DCC: variants seen among roughly 807,000 people sequenced by gnomAD.
DCC encodes DCC netrin 1 receptor.
DCC carries 58 observed loss-of-function variants against 172.5 expected under a neutral mutation model. The ratio of observed to expected loss-of-function variants is 0.34; its 90% CI spans 0.27 to 0.42. The LOEUF is 0.42. Among genes scored for constraint, DCC ranks in the 10% least tolerant of loss-of-function variants. DCC has a pLI of 1.00. For missense variants in DCC, 1,740 were observed against 1,791.0 expected (o/e 0.97, Z 0.51); for synonymous variants, 709 against 644.5 (o/e 1.10, Z -1.52).
In DCC at chr18:53,193,093, C is replaced by G. The variant is rs555118858; in HGVS notation, c.1574-12123C>G. Among the ~76,000 whole-genome samples, 5 of 152,312 alleles carry G rather than the reference C, an allele frequency of 3.3e-5. No individual in the cohort carries two copies. In the East Asian group the frequency reaches 7.7e-4, roughly 24 times the overall value. On this transcript the variant is annotated intron_variant, in intron 9 of 28. Coordinates refer to ENST00000442544, the MANE Select transcript of DCC (RefSeq NM_005215.4). ...TCTCTCTTCTGGACTATGGAATATT[C>G]TACCAATTGATATCTCAACACTCAT...
At chr18:52,831,984 C>G (rs556125519) in intron 2 of DCC, among the ~76,000 whole-genome samples, 1 of 152,242 alleles carries the variant, frequency 6.6e-6, no homozygotes, top group Admixed American at 6.5e-5. Context: ...TTAAAAATCC[C>G]TTAAACACCT....
chr18:52,843,977 G>T (rs11878055), intron 2 of DCC, among the ~76,000 whole-genome samples: 4,075 of 152,168 alleles, frequency 0.027, 165 homozygotes, highest in African/African-American at 0.09. Context: ...GTATGATGCT[G>T]ATAAACATCG....
intron 2 of DCC, among the ~76,000 whole-genome samples, chr18:52,890,818 TA>T (rs1229854972): frequency 6.6e-6 from 1 of 151,830 alleles, no homozygotes; most frequent in Non-Finnish European, 1.5e-5. Flanking sequence ...AAGAGAAGAG[TA>T]AAATATATGA....
chr18:52,399,263 C>A (rs952576704), intron 1 of DCC, among the ~76,000 whole-genome samples: 4 of 151,842 alleles, frequency 2.6e-5, no homozygotes, highest in East Asian at 3.9e-4. Flanking sequence ...TCAGGGACAG[C>A]TTTACTGATG....
At chr18:52,789,059 C>T (rs114003131) in intron 2 of DCC, among the ~76,000 whole-genome samples, 2,147 of 152,168 alleles carry the variant, frequency 0.014, 48 homozygotes, top group African/African-American at 0.048. Flanking sequence ...ACTATCCTTC[C>T]GTAACTACGA....
chr18:53,063,366 G>A lies in DCC; in HGVS notation c.1047G>A (p.Glu349=). Residue 349 remains glutamate (E), a synonymous_variant, in exon 6 of 29, where the codon GAG becomes GAA. Transcript: ENST00000442544. The part of the protein sequence containing the change: ...NLYAYESMDI[E]FECTVSGKPV... ...ATGCCTATGAAAGCATGGATATTGA[G>A]TTTGAATGTACAGTCTCTGGAAAGC... 6.2e-7 allele frequency: 1 copy of A among 1,613,048 alleles called. No homozygotes were observed. The highest frequency in any genetic ancestry group is 1.1e-5 in the South Asian group (1 of 91,056).
At chr18:52,596,927 C>T (rs962854059) in intron 1 of DCC, among the ~76,000 whole-genome samples, 2 of 152,154 alleles carry the variant, frequency 1.3e-5, no homozygotes, top group African/African-American at 4.8e-5. Flanking sequence ...CTTCGCTTTC[C>T]TTGCTTGGAT....
At chr18:52,622,519 T>C (rs940976111) in intron 1 of DCC, among the ~76,000 whole-genome samples, 2 of 152,208 alleles carry the variant, frequency 1.3e-5, no homozygotes, top group Admixed American at 1.3e-4. Context: ...AAAAGACTTA[T>C]CGACATCGTT....
At chr18:52,959,043 A>G (rs186365926) in intron 5 of DCC, among the ~76,000 whole-genome samples, 2 of 152,246 alleles carry the variant, frequency 1.3e-5, no homozygotes, top group African/African-American at 4.8e-5. Flanking sequence ...GGCCGAAGAC[A>G]GTTCTTCTAA....
intron 5 of DCC, among the ~76,000 whole-genome samples, chr18:52,999,200 ATT>A (rs750451167): frequency 6.7e-6 from 1 of 149,914 alleles, no homozygotes; most frequent in African/African-American, 2.4e-5. Context: ...GGGCAACAAC[ATT>A]TTTTTTTTGT....
Position 52,340,245 on chromosome 18 carries a change from G to A in DCC, c.-543G>A. 5.3e-6 allele frequency: 1 copy of A among 190,186 alleles called. No individual in the cohort carries two copies. The highest frequency in any genetic ancestry group is 1.2e-4 in the East Asian group (1 of 8,212). The allele number at this position is 190,186 out of a possible 1,614,324, so 11.8% of individuals were successfully genotyped here. Reference sequence around the variant, plus strand: ...GTAACAAGTGAGAGCGCTCCACCCCGCAGTCCCCCCCGCCTCTCCTCCCTG... The same window carrying A: ...GTAACAAGTGAGAGCGCTCCACCCCACAGTCCCCCCCGCCTCTCCTCCCTG... On this transcript the variant is annotated 5_prime_UTR_variant, in exon 1 of 29. Coordinates refer to ENST00000442544, the MANE Select transcript of DCC (RefSeq NM_005215.4).
chr18:53,265,364 T>C (rs538590727), intron 12 of DCC, among the ~76,000 whole-genome samples: 1 of 152,200 alleles, frequency 6.6e-6, no homozygotes, highest in Non-Finnish European at 1.5e-5. Flanking sequence ...TTCTAGGTGA[T>C]GAGTTTCTAT....
intron 2 of DCC, among the ~76,000 whole-genome samples, chr18:52,878,715 G>A (rs114849917): frequency 0.015 from 2,309 of 152,120 alleles, 42 homozygotes; most frequent in African/African-American, 0.039. Context: ...TTACTAGGAC[G>A]GGTCACTTGT....
intron 2 of DCC, among the ~76,000 whole-genome samples, chr18:52,777,424 C>T (rs938824864): frequency 2.0e-5 from 3 of 152,140 alleles, no homozygotes; most frequent in Non-Finnish European, 4.4e-5. Context: ...CCTTCTCCTC[C>T]TCTGGGTGTC....
chr18:52,362,762 C>T (rs1482025064), intron 1 of DCC, among the ~76,000 whole-genome samples: 2 of 151,108 alleles, frequency 1.3e-5, no homozygotes, highest in African/African-American at 4.9e-5. Flanking sequence ...TCAAACAAAA[C>T]TTCTCTTTGT....
chr18:53,529,020 TCTCTCTCTCTCTCTCTCTCA>T (rs1285544416), intron 28 of DCC, among the ~76,000 whole-genome samples: 11 of 85,716 alleles, frequency 1.3e-4, no homozygotes, highest in African/African-American at 4.0e-4. Context: ...TCTCTCTCTC[TCTCTCTCTCTCTCTCTCTCA>T]CACACACACA....
chr18:52,523,893 G>A (rs949813964), intron 1 of DCC, among the ~76,000 whole-genome samples: 1 of 152,152 alleles, frequency 6.6e-6, no homozygotes, highest in Non-Finnish European at 1.5e-5. Flanking sequence ...AGCAAGTTCT[G>A]CCGTTGTCTT....
intron 2 of DCC, among the ~76,000 whole-genome samples, chr18:52,787,857 A>T (rs1309415017): frequency 2.0e-5 from 3 of 152,132 alleles, no homozygotes; most frequent in Admixed American, 2.0e-4. Flanking sequence ...ATTGCATGAA[A>T]ATCCTGTTAA....
intron 5 of DCC, among the ~76,000 whole-genome samples, chr18:53,026,678 C>T (rs1385929546): frequency 6.6e-6 from 1 of 152,074 alleles, no homozygotes; most frequent in African/African-American, 2.4e-5. Flanking sequence ...TCCTTTGCCT[C>T]CCAAGTAGCT....
Sources: allele counts gnomAD v4.1 joint callset (sites outside exome capture counted in the v4.1 genomes callset), GRCh38; gene constraint gnomAD v4.1.1; transcripts MANE v1.5; gene names NCBI Gene and HGNC (gene_info 2026-07-23, HGNC 2026-07-21).